Variants in MIGA1 observed in about 807,000 individuals in gnomAD.
The protein encoded by MIGA1 is mitoguardin 1, also known as family with sequence similarity 73, member A.
In MIGA1, 58 loss-of-function variants were observed where a neutral mutation model predicts 82.0. The observed-to-expected ratio is 0.71, with a 90% confidence interval of 0.57 to 0.88. The LOEUF is 0.88. Ranked by LOEUF, MIGA1 falls within the 40% of genes least tolerant of loss-of-function variation. MIGA1 has a pLI of 0.00. For synonymous variants in MIGA1, 249 were observed against 253.6 expected (o/e 0.98, Z 0.17); for missense variants, 751 against 749.1 (o/e 1.00, Z -0.03).
At chr1:77,818,361 G>A (rs1281155534) in intron 7 of MIGA1, among the ~76,000 whole-genome samples, 2 of 151,974 alleles carry the variant, frequency 1.3e-5, no homozygotes, top group South Asian at 4.2e-4. Flanking sequence ...GACCTCAGGC[G>A]ATCCACCTGC....
Position 77,870,922 on chromosome 1 carries a change from A to G in MIGA1, c.1564-2082A>G, listed in dbSNP as rs952589856. On this transcript the variant is annotated intron_variant, in intron 14 of 15. Transcript: ENST00000370791. ...CACAGCAAAACCCCGTCTCCACCAA[A>G]AAAAAAAACGAAAACCAGTCAGGCG... 3.1e-4 allele frequency among the ~76,000 whole-genome samples: 46 copies of G among 149,384 alleles called. 1 individual carries two copies. Among genetic ancestry groups the G allele is most frequent in the African/African-American group, 1.1e-3 (46 of 40,832 alleles).
At chr1:77,805,440 A>G (rs1368655835) in intron 4 of MIGA1, among the ~76,000 whole-genome samples, 7 of 148,026 alleles carry the variant, frequency 4.7e-5, no homozygotes, top group Non-Finnish European at 1.0e-4. Flanking sequence ...ACCGAGCAGC[A>G]TAATGAAGAA....
At chr1:77,850,420 A>G (rs548724151) in intron 8 of MIGA1, among the ~76,000 whole-genome samples, 1 of 152,176 alleles carries the variant, frequency 6.6e-6, no homozygotes. Context: ...CCTATTGTCT[A>G]TTAAGGGATA....
chr1:77,869,850 T>C (rs1571022765), intron 14 of MIGA1, among the ~76,000 whole-genome samples: 5 of 103,060 alleles, frequency 4.9e-5, no homozygotes, highest in Admixed American at 1.7e-4. Context: ...ACGGGGCGGC[T>C]GGCCAGGCGG....
At chr1:77,829,373 C>A (rs1684149719) in intron 7 of MIGA1, among the ~76,000 whole-genome samples, 1 of 152,100 alleles carries the variant, frequency 6.6e-6, no homozygotes. Flanking sequence ...ATCTTTTGAG[C>A]CTGGGAGTTT....
intron 8 of MIGA1, chr1:77,853,399 AT>A (rs1453853122): frequency 6.3e-6 from 1 of 159,536 alleles, no homozygotes; most frequent in Non-Finnish European, 1.4e-5. Flanking sequence ...CTGACCAAGT[AT>A]TGGTTGAAAG....
intron 8 of MIGA1, among the ~76,000 whole-genome samples, chr1:77,857,327 T>G (rs1249894459): frequency 6.6e-6 from 1 of 152,028 alleles, no homozygotes; most frequent in African/African-American, 2.4e-5. Flanking sequence ...CTTTGGTTTT[T>G]TTTTTTTTGT....
chr1:77,814,658 T>C (rs1683505898), intron 6 of MIGA1, among the ~76,000 whole-genome samples: 1 of 151,632 alleles, frequency 6.6e-6, no homozygotes, highest in Non-Finnish European at 1.5e-5. Flanking sequence ...CTAGTCCTTA[T>C]TGATTATTTA....
chr1:77,849,521 CTT>C (rs1684968378), intron 8 of MIGA1, among the ~76,000 whole-genome samples: 1 of 152,214 alleles, frequency 6.6e-6, no homozygotes, highest in South Asian at 2.1e-4. Context: ...AGAAAATACA[CTT>C]TACGTTCTGA....
chr1:77,840,116 ATTCT>A (rs1473142750), intron 7 of MIGA1, among the ~76,000 whole-genome samples: 2 of 152,220 alleles, frequency 1.3e-5, no homozygotes, highest in Admixed American at 6.5e-5. Context: ...ATTGCCCAAG[ATTCT>A]TTCTTTGTAC....
chr1:77,811,449 A>C, intron 5 of MIGA1: 4 of 1,547,924 alleles, frequency 2.6e-6, no homozygotes, highest in Non-Finnish European at 3.6e-6. Context: ...CAGGCTGAAC[A>C]TCAAATGGGA....
chr1:77,808,617 CTGT>C (rs1248746436), intron 5 of MIGA1, among the ~76,000 whole-genome samples: 1 of 152,188 alleles, frequency 6.6e-6, no homozygotes, highest in Admixed American at 6.5e-5. Flanking sequence ...CCAAATGAAC[CTGT>C]TGTTGAATCA....
intron 8 of MIGA1, among the ~76,000 whole-genome samples, chr1:77,857,890 A>G (rs951849154): frequency 2.0e-5 from 3 of 152,134 alleles, no homozygotes; most frequent in East Asian, 3.8e-4. Context: ...ATATAAGGAA[A>G]TATGTCTTAG....
intron 7 of MIGA1, among the ~76,000 whole-genome samples, chr1:77,828,466 G>T (rs1684114084): frequency 6.6e-6 from 1 of 151,904 alleles, no homozygotes; most frequent in African/African-American, 2.4e-5. Context: ...AGACAAGATG[G>T]GTATCATTAA....
chr1:77,858,453 T>C (rs142398164), intron 8 of MIGA1, among the ~76,000 whole-genome samples: 2 of 152,352 alleles, frequency 1.3e-5, no homozygotes, highest in African/African-American at 4.8e-5. Context: ...TTAACAACTC[T>C]ATTGAAGTAA....
intron 2 of MIGA1, among the ~76,000 whole-genome samples, chr1:77,788,184 A>G (rs1329164074): frequency 1.3e-5 from 2 of 152,056 alleles, no homozygotes; most frequent in East Asian, 3.9e-4. Flanking sequence ...TGTATTTTTA[A>G]TAGAGATGGG....
chr1:77,829,186 A>G (rs899991604), intron 7 of MIGA1, among the ~76,000 whole-genome samples: 1 of 152,076 alleles, frequency 6.6e-6, no homozygotes, highest in Admixed American at 6.6e-5. Context: ...TTGGGAGGCC[A>G]AGGTGGGAGG....
chr1:77,840,731 G>A (rs1684598810), intron 7 of MIGA1, among the ~76,000 whole-genome samples: 1 of 152,148 alleles, frequency 6.6e-6, no homozygotes, highest in Non-Finnish European at 1.5e-5. Context: ...AGAATCGCTT[G>A]AATCTGGGAG....
intron 7 of MIGA1, among the ~76,000 whole-genome samples, chr1:77,831,354 G>A (rs1684237716): frequency 6.6e-6 from 1 of 152,046 alleles, no homozygotes; most frequent in African/African-American, 2.4e-5. Context: ...GGCTATAAAT[G>A]GGTAGCAAAT....
Sources: gnomAD v4.1 joint callset for allele counts (sites outside exome capture counted in the v4.1 genomes callset) on GRCh38, gnomAD v4.1.1 for gene constraint, MANE v1.5 for transcripts, NCBI Gene and HGNC (gene_info 2026-07-23, HGNC 2026-07-21) for gene names.